The following SYT16 variants were observed in gnomAD, a reference collection of about 807,000 sequenced individuals.
SYT16 encodes the protein synaptotagmin 16.
Under a neutral mutation model 61.4 loss-of-function variants are expected in SYT16, and 42 were observed. The observed-to-expected ratio is 0.68, with a 90% CI of 0.53 to 0.89. The LOEUF is 0.89. SYT16 is among the 40% of genes least tolerant of loss of function. The pLI is 0.00. For missense variants in SYT16, 804 were observed against 807.3 expected, an observed-to-expected ratio of 1.00 and a Z score of 0.05; for synonymous variants, 314 against 302.3, an observed-to-expected ratio of 1.04 and a Z score of -0.40.
At chr14:61,915,837 C>G (rs970049001) in intron 1 of SYT16, among the ~76,000 whole-genome samples, 3 of 152,168 alleles carry the variant, frequency 2.0e-5, no homozygotes, top group Admixed American at 6.5e-5. Flanking sequence ...CTTAGAAGAC[C>G]TTTACATTAA....
At chr14:61,991,051 A>G (rs1192341620) in intron 2 of SYT16, among the ~76,000 whole-genome samples, 3 of 152,158 alleles carry the variant, frequency 2.0e-5, no homozygotes, top group Non-Finnish European at 4.4e-5. Flanking sequence ...AATCTTTATC[A>G]ATTGCTACTA....
At chr14:61,902,145 C>T (rs981468450) in intron 1 of SYT16, among the ~76,000 whole-genome samples, 4 of 152,152 alleles carry the variant, frequency 2.6e-5, no homozygotes, top group Non-Finnish European at 5.9e-5. Flanking sequence ...TTGTATCTTC[C>T]ACCCTTTATA....
chr14:61,992,671 A>G (rs937729514), intron 2 of SYT16, among the ~76,000 whole-genome samples: 2 of 152,006 alleles, frequency 1.3e-5, no homozygotes, highest in Non-Finnish European at 1.5e-5. Context: ...CTCCTCTTGT[A>G]TGCCACAGTA....
intron 1 of SYT16, among the ~76,000 whole-genome samples, chr14:61,872,968 A>G (rs375259842): frequency 1.8e-4 from 28 of 152,258 alleles, no homozygotes; most frequent in East Asian, 1.3e-3. Context: ...TACAGATGAG[A>G]CTCATATTAA....
intron 1 of SYT16, among the ~76,000 whole-genome samples, chr14:61,886,006 C>T (rs2047886307): frequency 6.6e-6 from 1 of 150,406 alleles, no homozygotes; most frequent in Non-Finnish European, 1.5e-5. Context: ...GCTCTGTCGC[C>T]CAGGCTGGAG....
At chr14:62,066,719 A>T (rs1333441116) in intron 3 of SYT16, among the ~76,000 whole-genome samples, 2 of 152,146 alleles carry the variant, frequency 1.3e-5, no homozygotes, top group Non-Finnish European at 1.5e-5. Context: ...ATTCCCCATT[A>T]TTTATGGTTT....
chr14:61,918,811 T>A (rs2049219801), intron 1 of SYT16, among the ~76,000 whole-genome samples: 1 of 152,162 alleles, frequency 6.6e-6, no homozygotes. Context: ...GAATTACTTG[T>A]GTGGAAAAAC....
chr14:61,875,856 T>C (rs779483330), intron 1 of SYT16, among the ~76,000 whole-genome samples: 1 of 152,156 alleles, frequency 6.6e-6, no homozygotes, highest in African/African-American at 2.4e-5. Context: ...GTATGTCTGA[T>C]TGGTGGTGTC....
intron 3 of SYT16, among the ~76,000 whole-genome samples, chr14:62,068,530 T>G (rs949569033): frequency 4.6e-5 from 7 of 152,198 alleles, no homozygotes; most frequent in Non-Finnish European, 7.3e-5. Flanking sequence ...AAACTGTATT[T>G]CATTAGGAGC....
intron 3 of SYT16, among the ~76,000 whole-genome samples, chr14:62,010,869 G>A (rs936451176): frequency 6.6e-6 from 1 of 151,978 alleles, no homozygotes; most frequent in African/African-American, 2.4e-5. Flanking sequence ...ATTCTGTTTC[G>A]ATCTCACAAA....
In SYT16 at chr14:62,100,974, A is replaced by G. The variant is rs1266534621; in HGVS notation, c.*267A>G. On this transcript the variant is annotated 3_prime_UTR_variant, in exon 8 of 8. Transcript: ENST00000683842. ...CACTGATGAGTTAATTTGTGCCAAT[A>G]GATCATTGAGTTTTAGTTCAGGGTA... 5.6e-6 allele frequency: 2 copies of G among 357,684 alleles called. No individual in the cohort carries two copies. The highest frequency in any genetic ancestry group is 7.8e-4 in the Middle Eastern group (1 of 1,278). 22.2% of individuals were successfully genotyped at this position (357,684 alleles called of 1,614,324 possible). A position where few individuals can be genotyped will look rare whatever the true frequency, so the allele number is the denominator to read the frequency against.
rs117825720 is a variant in SYT16, at chr14:61,888,840, A to G, written c.-325+76030A>G. On this transcript the variant is annotated intron_variant, in intron 1 of 7. Transcript: ENST00000683842. ...AAGCATAATAAAACAAGATATATCTATTTTTTTCTAAAAAGGTACAATGAT... is the reference window on the plus strand; with the variant it reads ...AAGCATAATAAAACAAGATATATCTGTTTTTTTCTAAAAAGGTACAATGAT... Among the ~76,000 whole-genome samples the G allele has an allele frequency of 5.7e-3, 861 of 151,556 alleles. 1 individual carries two copies. The highest frequency in any genetic ancestry group is 9.3e-3 in the Non-Finnish European group (629 of 67,908).
chr14:61,870,886 A>G (rs1251688501), intron 1 of SYT16, among the ~76,000 whole-genome samples: 3 of 152,004 alleles, frequency 2.0e-5, no homozygotes, highest in African/African-American at 7.3e-5. Flanking sequence ...TAATTCTATA[A>G]TCTCTGTCAT....
chr14:61,859,086 C>T (rs1426397127), intron 1 of SYT16, among the ~76,000 whole-genome samples: 1 of 151,832 alleles, frequency 6.6e-6, no homozygotes, highest in Non-Finnish European at 1.5e-5. Flanking sequence ...GTCTTGATCT[C>T]CTGACCTCAT....
chr14:61,877,545 T>C (rs902960484), intron 1 of SYT16, among the ~76,000 whole-genome samples: 4 of 152,222 alleles, frequency 2.6e-5, no homozygotes, highest in African/African-American at 7.2e-5. Context: ...GTTCAAAAGT[T>C]TCCCAGGTAA....
chr14:61,862,166 C>G (rs909641782), intron 1 of SYT16, among the ~76,000 whole-genome samples: 2 of 152,162 alleles, frequency 1.3e-5, no homozygotes, highest in African/African-American at 2.4e-5. Flanking sequence ...GTGTACCATC[C>G]TATAACTTTT....
chr14:61,991,949 C>T (rs954777895), intron 2 of SYT16, among the ~76,000 whole-genome samples: 56 of 117,336 alleles, frequency 4.8e-4, no homozygotes, highest in Admixed American at 4.7e-3. Flanking sequence ...TAACTTTGTT[C>T]GTTCATTCAT....
At chr14:61,899,620 A>T (rs1238927445) in intron 1 of SYT16, among the ~76,000 whole-genome samples, 3 of 152,308 alleles carry the variant, frequency 2.0e-5, no homozygotes, top group Non-Finnish European at 2.9e-5. Context: ...GTGCTCATAG[A>T]GAATTTGAAA....
intron 3 of SYT16, among the ~76,000 whole-genome samples, chr14:62,036,830 A>G (rs1012492677): frequency 6.6e-6 from 1 of 152,174 alleles, no homozygotes; most frequent in Admixed American, 6.5e-5. Flanking sequence ...CTACAATTCA[A>G]GATGAGATTT....
Sources: gnomAD v4.1 joint callset for allele counts (sites outside exome capture counted in the v4.1 genomes callset) on GRCh38, gnomAD v4.1.1 for gene constraint, MANE v1.5 for transcripts, NCBI Gene and HGNC (gene_info 2026-07-23, HGNC 2026-07-21) for gene names.